The following STK32C variants were observed in gnomAD, a reference collection of about 807,000 sequenced individuals.
STK32C encodes the protein serine/threonine-protein kinase 32C.
STK32C carries 31 observed loss-of-function variants against 56.5 expected under a neutral mutation model. That is an observed-to-expected ratio of 0.55 (90% CI 0.41 to 0.74). The LOEUF (loss-of-function observed/expected upper bound fraction) is 0.74. Among genes scored for constraint, STK32C ranks in the 30% least tolerant of loss-of-function variants. The pLI, the probability that STK32C is intolerant of heterozygous loss-of-function variation, is 0.00. For synonymous variants in STK32C, 309 were observed against 289.4 expected (o/e 1.07, Z -0.69); for missense variants, 544 against 676.9 (o/e 0.80, Z 2.18).
At chr10:132,306,110 G>A (rs577004548) in intron 1 of STK32C, among the ~76,000 whole-genome samples, 1 of 152,306 alleles carries the variant, frequency 6.6e-6, no homozygotes, top group Admixed American at 6.5e-5. Context: ...ACACAGGGAA[G>A]TCTACCCTAC....
chr10:132,228,772 G>A (rs2062989017), intron 2 of STK32C, among the ~76,000 whole-genome samples: 2 of 152,256 alleles, frequency 1.3e-5, no homozygotes, highest in Admixed American at 6.5e-5. Context: ...GCTTCACCCT[G>A]GACGCACATC....
In STK32C at chr10:132,216,481, A is replaced by G. The variant is rs905783490; in HGVS notation, c.1251+6160T>C. On this transcript the variant is annotated intron_variant, in intron 10 of 11. Transcript: ENST00000298630. Reference sequence around the variant, plus strand: ...CAAGACTGTCTCAAAAAAAAAAAAAAAGAGAGAAAAAAAAGAAAACCCCAT... The same window carrying G: ...CAAGACTGTCTCAAAAAAAAAAAAAGAGAGAGAAAAAAAAGAAAACCCCAT... Among the ~76,000 whole-genome samples, 11 of 151,764 alleles carry G rather than the reference A, an allele frequency of 7.2e-5. No homozygotes were observed. The South Asian group carries it at 8.3e-4, about 11-fold the overall frequency.
intron 1 of STK32C, among the ~76,000 whole-genome samples, chr10:132,279,922 C>A (rs530855692): frequency 7.1e-6 from 1 of 141,314 alleles, no homozygotes; most frequent in Non-Finnish European, 1.5e-5. Flanking sequence ...TCCGTGATCA[C>A]GCTGAGGCCT....
intron 1 of STK32C, among the ~76,000 whole-genome samples, chr10:132,247,883 G>T (rs11146265): frequency 1.3e-5 from 2 of 152,046 alleles, no homozygotes; most frequent in African/African-American, 4.8e-5. Flanking sequence ...AGGGGGTGGG[G>T]CTTCAAGGGG....
At chr10:132,245,999 GC>G in intron 1 of STK32C, 44 bp from the exon 2 acceptor site, 1 of 1,589,960 alleles carries the variant, frequency 6.3e-7, no homozygotes, top group Non-Finnish European at 8.6e-7. Context: ...TGGCAGCAAG[GC>G]CCCACCCCAG....
rs1194255631 is a variant in STK32C, at chr10:132,255,080, T to G, written c.263-9125A>C. Reference sequence around the variant, plus strand: ...ATTGCACAGCAGAAGTGGGCACTACTGTGAGAGCTGTCACAAAGATCAAAT... The same window carrying G: ...ATTGCACAGCAGAAGTGGGCACTACGGTGAGAGCTGTCACAAAGATCAAAT... On this transcript the variant is annotated intron_variant, in intron 1 of 11. Coordinates refer to ENST00000298630, the MANE Select transcript of STK32C (RefSeq NM_173575.4). This position sits in a 1 kb window ranked among gnomAD's most constrained non-coding sequence, Gnocchi z 4.6. Among the ~76,000 whole-genome samples, 1 of 152,148 alleles carries G rather than the reference T, an allele frequency of 6.6e-6. No homozygotes were observed.
chr10:132,298,472 C>T (rs1295327275), intron 1 of STK32C, among the ~76,000 whole-genome samples: 3 of 152,208 alleles, frequency 2.0e-5, no homozygotes, highest in Non-Finnish European at 4.4e-5. Context: ...CCTTCCGATG[C>T]GGGGTCCAGC....
At position 132,325,552 on chromosome 10, in the gene STK32C, T is replaced by TAA. The variant is rs563291590; in HGVS notation, c.302-1181_302-1180dup. Among the ~76,000 whole-genome samples the TAA allele has an allele frequency of 1.1e-3, 162 of 141,572 alleles. 1 individual carries two copies. Among genetic ancestry groups the TAA allele is most frequent in the Admixed American group, 6.4e-3 (91 of 14,294 alleles). The allele number at this position is 141,572 out of a possible 152,430, so 92.9% of individuals were successfully genotyped here. A position where few individuals can be genotyped will look rare whatever the true frequency, so the allele number is the denominator to read the frequency against. On this transcript the variant is annotated intron_variant, in intron 1 of 1. Coordinates refer to the STK32C transcript ENST00000368619. ...TGGGTGACAGAGCAAGAGTCCGTCT[T>TAA]AAAAAAAAAAAAGGGGGAGTTCCCT...
intron 1 of STK32C, among the ~76,000 whole-genome samples, chr10:132,316,064 A>G (rs544505142): frequency 1.3e-4 from 20 of 152,362 alleles, no homozygotes; most frequent in African/African-American, 4.8e-4. Context: ...AAAATAAGAG[A>G]TGTTAAAAAT....
At position 132,255,402 on chromosome 10, in the gene STK32C, G is replaced by T. The variant is rs916173819; in HGVS notation, c.263-9447C>A. ...TCAACAGGAACCACAGGAGTCACCA[G>T]ACATCACCTCACAGACCCCTCACCC... On this transcript the variant is annotated intron_variant, in intron 1 of 11. Transcript: ENST00000298630. This position sits in a 1 kb window ranked among gnomAD's most constrained non-coding sequence, Gnocchi z 4.6. Among the ~76,000 whole-genome samples, 35 of 152,180 alleles carry T rather than the reference G, an allele frequency of 2.3e-4. No individual in the cohort carries two copies. Among genetic ancestry groups the T allele is most frequent in the African/African-American group, 7.7e-4 (32 of 41,434 alleles).
chr10:132,252,850 C>T (rs558757687), intron 1 of STK32C, among the ~76,000 whole-genome samples: 1 of 152,344 alleles, frequency 6.6e-6, no homozygotes, highest in Non-Finnish European at 1.5e-5. Flanking sequence ...ATCTGAATCC[C>T]GCTAAGTGAC....
intron 1 of STK32C, among the ~76,000 whole-genome samples, chr10:132,272,968 C>A (rs1039419699): frequency 7.2e-5 from 11 of 152,190 alleles, no homozygotes; most frequent in Non-Finnish European, 1.5e-4. Context: ...GCTCCCTCTG[C>A]CCGGAGCCCT....
chr10:132,258,973 T>C (rs1165893102), intron 1 of STK32C, among the ~76,000 whole-genome samples: 1 of 152,192 alleles, frequency 6.6e-6, no homozygotes, highest in East Asian at 1.9e-4. Flanking sequence ...GAAAATATCA[T>C]CTCCAACTAA....
intron 1 of STK32C, among the ~76,000 whole-genome samples, chr10:132,287,471 G>A (rs1253781712): frequency 2.0e-5 from 3 of 148,826 alleles, no homozygotes; most frequent in Non-Finnish European, 4.5e-5. Flanking sequence ...CAGCCTGGGC[G>A]ACAGAGCGAG....
chr10:132,327,617 A>T (rs996784386), intron 1 of STK32C, among the ~76,000 whole-genome samples: 2 of 151,986 alleles, frequency 1.3e-5, no homozygotes, highest in African/African-American at 4.8e-5. Context: ...CTGGAACTAC[A>T]GGTATGCACC....
chr10:132,225,493 C>G, intron 6 of STK32C, 34 bp downstream of exon 6: 1 of 1,612,536 alleles, frequency 6.2e-7, no homozygotes, highest in Non-Finnish European at 8.5e-7. Context: ...CTGGAGGAAG[C>G]CAGCTCCCAT....
At chr10:132,210,713 G>A (rs114079911) in intron 10 of STK32C, among the ~76,000 whole-genome samples, 3,148 of 152,346 alleles carry the variant, frequency 0.021, 99 homozygotes, top group South Asian at 0.1. Flanking sequence ...AAGGACAAGC[G>A]GTCTCACCTT....
intron 3 of STK32C, 106 bp downstream of exon 3, chr10:132,227,871 T>C: frequency 7.0e-7 from 1 of 1,419,080 alleles, no homozygotes; most frequent in South Asian, 1.3e-5. Context: ...CAGAGGCATC[T>C]CCGAGGCACG....
intron 1 of STK32C, among the ~76,000 whole-genome samples, chr10:132,305,037 C>T (rs1470887748): frequency 6.6e-6 from 1 of 152,210 alleles, no homozygotes; most frequent in African/African-American, 2.4e-5. Context: ...GACACCAAGA[C>T]AGAGAGGAAT....
Sources: allele counts gnomAD v4.1 joint callset (sites outside exome capture counted in the v4.1 genomes callset), GRCh38; gene constraint gnomAD v4.1.1; non-coding constraint Gnocchi (gnomAD v3.1); transcripts MANE v1.5; gene names NCBI Gene and HGNC (gene_info 2026-07-23, HGNC 2026-07-21).